MAD1L1: variants seen among roughly 807,000 people sequenced by gnomAD.
MAD1L1 encodes mitotic spindle assembly checkpoint protein MAD1.
Under a neutral mutation model 96.9 loss-of-function variants are expected in MAD1L1, and 95 were observed. That is an observed-to-expected ratio of 0.98 (90% CI 0.83 to 1.16). MAD1L1 has a LOEUF of 1.16. Ranked by LOEUF, MAD1L1 falls within the 50% of genes most tolerant of loss-of-function variation. The probability of loss-of-function intolerance (pLI) is 0.00; values close to 1 mark genes in which losing one functional copy is unlikely to be tolerated. For missense variants in MAD1L1, 1,007 were observed against 954.4 expected (o/e 1.06, Z -0.73); for synonymous variants, 473 against 396.6 (o/e 1.19, Z -2.29).
intron 10 of MAD1L1, among the ~76,000 whole-genome samples, chr7:2,164,124 A>C (rs1790303590): frequency 2.0e-5 from 3 of 152,190 alleles, no homozygotes; most frequent in South Asian, 4.1e-4. Flanking sequence ...TCCTCTTCTC[A>C]ATAGGTTACT....
In MAD1L1 at chr7:1,816,128, A is replaced by T. The variant is rs748620254; in HGVS notation, c.2099T>A (p.Ile700Asn). 1 of 1,613,020 alleles carries T rather than the reference A, an allele frequency of 6.2e-7. No homozygotes were observed. The highest frequency in any genetic ancestry group is 8.5e-7 in the Non-Finnish European group (1 of 1,179,840). The stretch of plus-strand genomic sequence containing the variant: ...GGTGAGCGAGCTGAGGAAGGCAGGG[A>T]TGCTGTCCTGGCGCCGCAGGTGCAC... Reference protein sequence around the residue: ...IEVHLRRQDSIPAFLSSLTLE... With the variant: ...IEVHLRRQDSNPAFLSSLTLE... The change falls in exon 19 of 19, where the codon ATC (isoleucine) becomes AAC (asparagine). Residue 700 changes from isoleucine to asparagine, a missense_variant. By Grantham distance (149) the Ile-to-Asn change is moderately radical. Coordinates refer to ENST00000265854, the MANE Select transcript of MAD1L1 (RefSeq NM_001013836.2).
At position 1,871,248 on chromosome 7, in the gene MAD1L1, G is replaced by A. The variant is rs1214742137; in HGVS notation, c.1998+26952C>T. On this transcript the variant is annotated intron_variant, in intron 18 of 18. Coordinates refer to ENST00000265854, the MANE Select transcript of MAD1L1 (RefSeq NM_001013836.2). ...GCTGAACCCAACATACGCCTGCCAC[G>A]CTGAACCCAACATAAGCCTGCCACG... is the stretch of plus-strand genomic sequence containing the variant. Among the ~76,000 whole-genome samples the A allele has an allele frequency of 4.0e-4, 53 of 133,738 alleles. 3 individuals carry two copies. The highest frequency in any genetic ancestry group is 1.2e-3 in the South Asian group (5 of 4,088). The allele number at this position is 133,738 out of a possible 152,430, so 87.7% of individuals were successfully genotyped here. A position where few individuals can be genotyped will look rare whatever the true frequency, so the allele number is the denominator to read the frequency against.
chr7:2,225,562 G>A lies in MAD1L1; in HGVS notation c.151-12C>T, dbSNP rs201572617. 3.0e-5 allele frequency: 48 copies of A among 1,611,752 alleles called. No individual in the cohort carries two copies. Among genetic ancestry groups the A allele is most frequent in the African/African-American group, 1.2e-4 (9 of 74,866 alleles). ...GCTCTTTCCTCCAGCTGAGCAGGTC[G>A]CACCCAAAGAAAAACAGAATCCTCA... On this transcript the variant is annotated splice_polypyrimidine_tract_variant and intron_variant, in intron 3 of 18. Transcript: ENST00000265854.
chr7:2,211,252 G>A (rs1292008989), intron 10 of MAD1L1, among the ~76,000 whole-genome samples: 2 of 152,132 alleles, frequency 1.3e-5, no homozygotes, highest in Admixed American at 1.3e-4. Flanking sequence ...GAAGACACAG[G>A]CAGGCAGAAC....
At chr7:2,161,597 G>GGCC (rs1790130578) in intron 10 of MAD1L1, among the ~76,000 whole-genome samples, 2 of 139,998 alleles carry the variant, frequency 1.4e-5, no homozygotes, top group East Asian at 2.2e-4. Context: ...CCCTCTGCCC[G>GGCC]ACCGCCCAGT....
At chr7:1,835,510 AG>A (rs1245990172) in intron 18 of MAD1L1, among the ~76,000 whole-genome samples, 1 of 152,260 alleles carries the variant, frequency 6.6e-6, no homozygotes, top group Non-Finnish European at 1.5e-5. Flanking sequence ...GTTTTTATAT[AG>A]TAGCAACAGA....
At chr7:1,895,936 C>T (rs1022137759) in intron 18 of MAD1L1, among the ~76,000 whole-genome samples, 11 of 152,256 alleles carry the variant, frequency 7.2e-5, no homozygotes, top group South Asian at 6.2e-4. Context: ...CCTGGGGAGG[C>T]GCCAAGGCTC....
intron 18 of MAD1L1, among the ~76,000 whole-genome samples, chr7:1,831,790 A>G (rs13241072): frequency 6.6e-6 from 1 of 152,110 alleles, no homozygotes; most frequent in Non-Finnish European, 1.5e-5. Context: ...GTGGAACAAC[A>G]AAGCCTGGAT....
intron 17 of MAD1L1, among the ~76,000 whole-genome samples, chr7:1,934,795 C>G (rs1583838551): frequency 6.6e-6 from 1 of 150,760 alleles, no homozygotes; most frequent in Admixed American, 6.6e-5. Flanking sequence ...CCGAGACAGG[C>G]AGACACCCAG....
intron 17 of MAD1L1, among the ~76,000 whole-genome samples, chr7:1,912,122 G>A (rs1287553480): frequency 6.6e-6 from 1 of 152,220 alleles, no homozygotes; most frequent in African/African-American, 2.4e-5. Flanking sequence ...ATCCTGAAGT[G>A]GGGGAAACTG....
intron 18 of MAD1L1, among the ~76,000 whole-genome samples, chr7:1,886,123 C>T (rs138978947): frequency 3.3e-5 from 5 of 152,248 alleles, no homozygotes; most frequent in Non-Finnish European, 7.3e-5. Flanking sequence ...GTCAGCCCAG[C>T]AGCACTGTGA....
At chr7:2,162,101 C>T (rs1304401725) in intron 10 of MAD1L1, among the ~76,000 whole-genome samples, 1 of 152,164 alleles carries the variant, frequency 6.6e-6, no homozygotes, top group Admixed American at 6.5e-5. Context: ...TCCAACAGCT[C>T]ATTGAGAACG....
At chr7:2,089,581 C>T (rs1342529284) in intron 11 of MAD1L1, among the ~76,000 whole-genome samples, 3 of 151,962 alleles carry the variant, frequency 2.0e-5, no homozygotes, top group Non-Finnish European at 4.4e-5. Context: ...CAAGCCCCAA[C>T]ACCTGTCCCT....
rs561265682 is a variant in MAD1L1 at position 2,199,703 on chromosome 7, C to T, written c.986+13509G>A. On this transcript the variant is annotated intron_variant, in intron 10 of 18. Transcript: ENST00000265854. ...AGGCCAGGCAGACACACCGGGCAGC[C>T]ACTGAACTGCTGGGCCAAGACCTCC... Among the ~76,000 whole-genome samples the T allele has an allele frequency of 3.4e-3, 519 of 152,382 alleles. 4 individuals carry two copies. Among genetic ancestry groups the T allele is most frequent in the African/African-American group, 0.012 (510 of 41,600 alleles).
At chr7:2,170,245 A>G (rs1376235493) in intron 10 of MAD1L1, among the ~76,000 whole-genome samples, 4 of 152,250 alleles carry the variant, frequency 2.6e-5, no homozygotes, top group Non-Finnish European at 5.9e-5. Context: ...GCCATTAACA[A>G]GGCAGCACAC....
rs373008613 is a variant in MAD1L1, at chr7:2,024,646, G to T, written c.1219-10004C>A. Among the ~76,000 whole-genome samples the T allele has an allele frequency of 1.1e-4, 16 of 152,314 alleles. 1 individual carries two copies. Among genetic ancestry groups the T allele is most frequent in the African/African-American group, 3.6e-4 (15 of 41,556 alleles). ...AATAAACGCTTCAAATGATCACTCA[G>T]GGTTTAGTGCTTCTCTCTTTGGAAT... On this transcript the variant is annotated intron_variant, in intron 12 of 18. Coordinates refer to ENST00000265854, the MANE Select transcript of MAD1L1 (RefSeq NM_001013836.2).
At chr7:2,033,531 C>G (rs1177982529) in intron 12 of MAD1L1, among the ~76,000 whole-genome samples, 1 of 152,152 alleles carries the variant, frequency 6.6e-6, no homozygotes, top group East Asian at 1.9e-4. Flanking sequence ...ACATGAAAAC[C>G]TTTTACAAAT....
chr7:2,217,090 G>A (rs1039529872), intron 7 of MAD1L1, among the ~76,000 whole-genome samples: 1 of 152,130 alleles, frequency 6.6e-6, no homozygotes, highest in African/African-American at 2.4e-5. Context: ...GCACTCCATG[G>A]TAAAACATCC....
intron 18 of MAD1L1, among the ~76,000 whole-genome samples, chr7:1,820,697 C>T (rs1782076844): frequency 6.6e-6 from 1 of 152,034 alleles, no homozygotes; most frequent in Non-Finnish European, 1.5e-5. Context: ...GAGCTATGAT[C>T]ACACCACTGC....
Sources: gnomAD v4.1 joint callset for allele counts (sites outside exome capture counted in the v4.1 genomes callset) on GRCh38, gnomAD v4.1.1 for gene constraint, MANE v1.5 for transcripts, NCBI Gene and HGNC (gene_info 2026-07-23, HGNC 2026-07-21) for gene names.